EBLN1: variants seen among roughly 807,000 people sequenced by gnomAD.
EBLN1 encodes the protein endogenous Bornavirus-like nucleoprotein 1.
EBLN1 carries 1 observed loss-of-function variant against 0.8 expected under a neutral mutation model. The ratio of observed to expected loss-of-function variants is 1.32; its 90% CI spans 0.47 to 6.26. The LOEUF is 6.26. Among genes scored for constraint, EBLN1 ranks in the 30% most tolerant of loss-of-function variants. The pLI, the probability that EBLN1 is intolerant of heterozygous loss-of-function variation, is 0.15. For synonymous variants in EBLN1, 158 were observed against 158.5 expected (o/e 1.00, Z 0.02); for missense variants, 396 against 447.9 (o/e 0.88, Z 1.05).
chr10:22,214,912 A>C (rs1834779636), intron 1 of EBLN1, among the ~76,000 whole-genome samples: 1 of 152,222 alleles, frequency 6.6e-6, no homozygotes, highest in Non-Finnish European at 1.5e-5. Context: ...TGATAAACTG[A>C]TAAATAAAAT....
At chr10:22,214,833 T>C (rs1173763364) in intron 1 of EBLN1, among the ~76,000 whole-genome samples, 2 of 152,198 alleles carry the variant, frequency 1.3e-5, no homozygotes, top group African/African-American at 4.8e-5. Context: ...CCAAAACCTG[T>C]ACATAAATGT....
Position 22,209,562 on chromosome 10 carries a change from C to G in EBLN1, c.422G>C (p.Cys141Ser). The change falls in exon 3 of 3, where the codon TGT becomes TCT. Residue 141 changes from cysteine to serine, a missense_variant. Transcript: ENST00000422359. ...TCCGGCAGCAATGCCTATCAGATCA[C>G]AGCAGTGACGCAGAATTGATGACAT... is the stretch of plus-strand genomic sequence containing the variant. Reference protein sequence around the residue: ...LEMSSILRHCCDLIGIAAGSS... With the variant: ...LEMSSILRHCSDLIGIAAGSS... The G allele has an allele frequency of 6.5e-7, 1 of 1,535,040 alleles. No homozygotes were observed. Among genetic ancestry groups the G allele is most frequent in the Non-Finnish European group, 8.7e-7 (1 of 1,145,658 alleles).
chr10:22,212,675 G>A (rs759769530), intron 2 of EBLN1, among the ~76,000 whole-genome samples, 167 bp downstream of exon 2: 5 of 151,990 alleles, frequency 3.3e-5, no homozygotes, highest in Non-Finnish European at 5.9e-5. Context: ...AAGGTTGGAT[G>A]TGGTGTCTCG....
chr10:22,216,371 T>C (rs1231067472), intron 1 of EBLN1, among the ~76,000 whole-genome samples: 1 of 152,186 alleles, frequency 6.6e-6, no homozygotes, highest in South Asian at 2.1e-4. Context: ...ACAGTAAACA[T>C]TTAGTCTTCA....
chr10:22,214,305 T>C (rs1588585830), intron 1 of EBLN1, among the ~76,000 whole-genome samples: 1 of 149,192 alleles, frequency 6.7e-6, no homozygotes, highest in East Asian at 1.9e-4. Context: ...TTACTTTCTT[T>C]TTTTTTTTTT....
At chr10:22,214,853 C>T (rs1192482990) in intron 1 of EBLN1, among the ~76,000 whole-genome samples, 2 of 151,340 alleles carry the variant, frequency 1.3e-5, no homozygotes, top group Non-Finnish European at 2.9e-5. Context: ...TTCATAGAAG[C>T]ATTATTTATA....
chr10:22,211,120 TG>T (rs1256746384), intron 2 of EBLN1, among the ~76,000 whole-genome samples: 16 of 152,342 alleles, frequency 1.1e-4, no homozygotes, highest in African/African-American at 3.8e-4. Flanking sequence ...TAACATTACA[TG>T]GTCATTCATT....
chr10:22,213,342 T>A (rs187765371), intron 1 of EBLN1, among the ~76,000 whole-genome samples: 8 of 152,304 alleles, frequency 5.3e-5, no homozygotes, highest in Admixed American at 5.2e-4. Context: ...AAGTATTTTC[T>A]AAGTTTAGTT....
At position 22,209,634 on chromosome 10, in the gene EBLN1, T is replaced by C. The variant is rs1554768338; in HGVS notation, c.350A>G (p.Tyr117Cys). 5 of 1,535,890 alleles carry C rather than the reference T, an allele frequency of 3.3e-6. No individual in the cohort carries two copies. In the South Asian group the frequency reaches 3.6e-5, roughly 11 times the overall value. Reference protein sequence around the residue: ...GNENKETGTLYASKFEDVLPT... With the variant: ...GNENKETGTLCASKFEDVLPT... The stretch of plus-strand genomic sequence containing the variant: ...CAAAACATCTTCAAATTTGCTAGCA[T>C]AGAGAGTACCTGTTTCCTTGTTCTC... Residue 117 changes from tyrosine to cysteine, a missense_variant, in exon 3 of 3, where the codon TAT (tyrosine) becomes TGT (cysteine). Coordinates refer to ENST00000422359, the MANE Select transcript of EBLN1 (RefSeq NM_001394757.1).
chr10:22,210,998 A>G (rs2131944253), intron 2 of EBLN1, among the ~76,000 whole-genome samples: 1 of 152,366 alleles, frequency 6.6e-6, no homozygotes, highest in Non-Finnish European at 1.5e-5. Flanking sequence ...CTTTTAAGAT[A>G]TAATATTGCA....
Position 22,209,419 on chromosome 10 carries a change from C to A in EBLN1, c.565G>T (p.Ala189Ser), listed in dbSNP as rs149078001. ...TTGATCCAATCTATAGCTGGCCCTG[C>A]ATTATAGCTAATTAATAAATCAGCA... Reference protein sequence around the residue: ...ESADLLISYNAGPAIDWINSR... With the variant: ...ESADLLISYNSGPAIDWINSR... The change falls in exon 3 of 3, where the codon GCA (alanine) becomes TCA (serine). Residue 189 changes from alanine (A) to serine (S), a missense_variant. Ala to Ser is a moderately conservative substitution (Grantham distance 99). Coordinates refer to ENST00000422359, the MANE Select transcript of EBLN1 (RefSeq NM_001394757.1). The A allele has an allele frequency of 1.9e-6, 3 of 1,602,342 alleles. No individual in the cohort carries two copies. The African/African-American group carries it at 4.0e-5, about 21-fold the overall frequency.
Position 22,209,014 on chromosome 10 carries a change from TG to T in EBLN1, c.969del (p.Asp323GlufsTer50). On this transcript the variant is annotated frameshift_variant, in exon 3 of 3. Transcript: ENST00000422359. LOFTEE classifies it high-confidence loss of function. The stretch of plus-strand genomic sequence containing the variant: ...AATGTAATAGTTGATCCTGGTATAA[TG>T]TCAAGGGCTTCAAATCCAGAAAATG... ...NSTFSGFEAL[D>X]IIPGSTITFP... The T allele has an allele frequency of 6.5e-7, 1 of 1,535,894 alleles. No individual in the cohort carries two copies. Among genetic ancestry groups the T allele is most frequent in the Non-Finnish European group, 8.7e-7 (1 of 1,146,918 alleles).
chr10:22,216,502 G>A (rs1397694083), intron 1 of EBLN1, among the ~76,000 whole-genome samples: 8 of 152,186 alleles, frequency 5.3e-5, no homozygotes, highest in African/African-American at 1.4e-4. Context: ...CAAGCTACTT[G>A]CATCAAAATG....
In EBLN1 at chr10:22,209,057, GGC is replaced by G. The variant is rs1448474832; in HGVS notation, c.925_926del (p.Ala309GlnfsTer11). 8 of 1,536,542 alleles carry G rather than the reference GGC, an allele frequency of 5.2e-6. No homozygotes were observed. Among genetic ancestry groups the G allele is most frequent in the Non-Finnish European group, 7.0e-6 (8 of 1,146,910 alleles). ...CAGAAAATGTGGAATTCCTTCTTTT[GGC>G]CCAGTAGTTTGCTGCTGTTGCTAGG... ...PNLATAANYW[A>X]KRRNSTFSGF... On this transcript the variant is annotated frameshift_variant, in exon 3 of 3. Transcript: ENST00000422359. LOFTEE classifies it high-confidence loss of function.
At chr10:22,213,204 T>A (rs1320624962) in intron 1 of EBLN1, among the ~76,000 whole-genome samples, 1 of 152,116 alleles carries the variant, frequency 6.6e-6, no homozygotes, top group Non-Finnish European at 1.5e-5. Flanking sequence ...TATATGGATC[T>A]TTTTCTCAAC....
Position 22,209,832 on chromosome 10 carries a change from C to G in EBLN1, c.152G>C (p.Gly51Ala), listed in dbSNP as rs1324776815. ...TGCTTTTTCAATGACCTTAACATCTCCAATACCAGGTTGGGGCTCCAATGC... is the reference window on the plus strand; with the variant it reads ...TGCTTTTTCAATGACCTTAACATCTGCAATACCAGGTTGGGGCTCCAATGC... ...ADALEPQPGIGDVKVIEKATK... is the reference protein window; with the variant it reads ...ADALEPQPGIADVKVIEKATK... Residue 51 changes from glycine to alanine, a missense_variant, in exon 3 of 3, where the codon GGA (glycine) becomes GCA (alanine). Transcript: ENST00000422359. 3 of 1,531,458 alleles carry G rather than the reference C, an allele frequency of 2.0e-6. No individual in the cohort carries two copies. Among genetic ancestry groups the G allele is most frequent in the Admixed American group, 2.0e-5 (1 of 50,534 alleles). 94.9% of individuals were successfully genotyped at this position (1,531,458 alleles called of 1,614,324 possible).
chr10:22,217,312 G>C (rs1834800277), intron 1 of EBLN1, among the ~76,000 whole-genome samples: 1 of 152,162 alleles, frequency 6.6e-6, no homozygotes, highest in African/African-American at 2.4e-5. Flanking sequence ...TTTTAGTAGA[G>C]ATAGGGTTTC....
chr10:22,211,486 G>A (rs1834754627), intron 2 of EBLN1, among the ~76,000 whole-genome samples: 1 of 151,112 alleles, frequency 6.6e-6, no homozygotes, highest in South Asian at 2.1e-4. Context: ...ATTAAATCGT[G>A]TTAACAAAAA....
At chr10:22,212,688 C>T (rs1834763918) in intron 2 of EBLN1, among the ~76,000 whole-genome samples, 154 bp downstream of exon 2, 1 of 151,804 alleles carries the variant, frequency 6.6e-6, no homozygotes, top group Non-Finnish European at 1.5e-5. Context: ...GTGTCTCGTG[C>T]CTGTAATCTT....
Sources: gnomAD v4.1 joint callset for allele counts (sites outside exome capture counted in the v4.1 genomes callset) on GRCh38, gnomAD v4.1.1 for gene constraint, MANE v1.5 for transcripts, NCBI Gene and HGNC (gene_info 2026-07-23, HGNC 2026-07-21) for gene names.